Variants in THSD1 observed in about 807,000 individuals in gnomAD.
THSD1 encodes the protein thrombospondin type-1 domain-containing protein 1.
Under a neutral mutation model 46.3 loss-of-function variants are expected in THSD1, and 34 were observed. The observed-to-expected ratio is 0.74, with a 90% CI of 0.56 to 0.98. The LOEUF is 0.98. Among genes scored for constraint, THSD1 ranks in the 50% least tolerant of loss-of-function variants. THSD1 has a pLI of 0.00. For missense variants in THSD1, 1,023 were observed against 1,058.3 expected, an observed-to-expected ratio of 0.97 and a Z score of 0.46; for synonymous variants, 407 against 416.5, an observed-to-expected ratio of 0.98 and a Z score of 0.28.
chr13:52,377,784 T>C lies in THSD1; in HGVS notation c.2186A>G (p.Tyr729Cys). Residue 729 changes from tyrosine (Y) to cysteine (C), a missense_variant, in exon 5 of 5, where the codon TAC becomes TGC. Physicochemically the swap from Tyr to Cys is radical, Grantham distance 194 (BLOSUM62 -2). This residue lies in a region of THSD1 where 578 missense variants were observed against 497.4 expected (regional missense o/e 1.16). Coordinates refer to ENST00000258613, the MANE Select transcript of THSD1 (RefSeq NM_018676.4). ...TTTCCTCAAGGGCTGCCCCAAAGTG[T>C]AGGATTTAGGGAGAGGGTTTAATGG... Reference protein sequence around the residue: ...RGPLNPLPKSYTLGQPLRKPD... With the variant: ...RGPLNPLPKSCTLGQPLRKPD... 6.2e-7 allele frequency: 1 copy of C among 1,614,122 alleles called. No individual in the cohort carries two copies. The highest frequency in any genetic ancestry group is 8.5e-7 in the Non-Finnish European group (1 of 1,180,032).
chr13:52,389,352 GA>G (rs879533104), intron 3 of THSD1, among the ~76,000 whole-genome samples: 152 of 151,666 alleles, frequency 1.0e-3, no homozygotes, highest in Admixed American at 2.2e-3. Flanking sequence ...AAATAAGGCA[GA>G]AAAAAAGATG....
At chr13:52,399,293 T>C (rs1299319330) in intron 2 of THSD1, among the ~76,000 whole-genome samples, 1 of 152,132 alleles carries the variant, frequency 6.6e-6, no homozygotes, top group African/African-American at 2.4e-5. Flanking sequence ...TTGAATCCCA[T>C]CCAAATATAT....
intron 1 of THSD1, among the ~76,000 whole-genome samples, chr13:52,404,713 G>A (rs1228116137): frequency 6.6e-6 from 1 of 152,126 alleles, no homozygotes; most frequent in African/African-American, 2.4e-5. Context: ...ACTGAGACCT[G>A]GTAACCAAAC....
Position 52,386,083 on chromosome 13 carries a change from AG to A in THSD1, c.1124del (p.Pro375LeufsTer35). 6.2e-7 allele frequency: 1 copy of A among 1,614,190 alleles called. No homozygotes were observed. Among genetic ancestry groups the A allele is most frequent in the African/African-American group, 1.3e-5 (1 of 75,070 alleles). The stretch of plus-strand genomic sequence containing the variant: ...CCTCCAAGGACATTCCAGGGCAGAC[AG>A]GACTGGAGGGGAAGGAAGTGAGACA... ...RVCLTSFPSS[P>X]VCPGMSLEAS... On this transcript the variant is annotated frameshift_variant, in exon 4 of 5. Coordinates refer to ENST00000258613, the MANE Select transcript of THSD1 (RefSeq NM_018676.4). LOFTEE classifies it high-confidence loss of function.
Position 52,377,730 on chromosome 13 carries a change from A to G in THSD1, c.2240T>C (p.Leu747Ser), listed in dbSNP as rs946688456. 6.2e-7 allele frequency: 1 copy of G among 1,613,526 alleles called. No individual in the cohort carries two copies. The highest frequency in any genetic ancestry group is 1.3e-5 in the African/African-American group (1 of 74,904). ...CTCTGTTCTCTCAATTCCGGCCACTAATCCTGCCTGGTGATCCCCAAGGTC... is the reference window on the plus strand; with the variant it reads ...CTCTGTTCTCTCAATTCCGGCCACTGATCCTGCCTGGTGATCCCCAAGGTC... Reference protein sequence around the residue: ...KPDLGDHQAGLVAGIERTEPH... With the variant: ...KPDLGDHQAGSVAGIERTEPH... Residue 747 changes from leucine (L) to serine (S), a missense_variant, in exon 5 of 5, where the codon TTA (leucine) becomes TCA (serine). Leu to Ser is a moderately radical substitution (Grantham distance 145, BLOSUM62 -2). Transcript: ENST00000258613.
chr13:52,390,362 G>A (rs1305326074), intron 3 of THSD1, among the ~76,000 whole-genome samples: 1 of 152,164 alleles, frequency 6.6e-6, no homozygotes, highest in Admixed American at 6.5e-5. Context: ...GCCAAGTGGT[G>A]CAATCTTTGG....
chr13:52,381,339 G>A (rs1276456790), intron 4 of THSD1, among the ~76,000 whole-genome samples: 1 of 152,148 alleles, frequency 6.6e-6, no homozygotes. Context: ...CACTGGTGGA[G>A]AAAATGAACA....
At chr13:52,378,845 A>C (rs1957667374) in intron 4 of THSD1, 56 bp from the exon 5 acceptor site, 7 of 1,424,412 alleles carry the variant, frequency 4.9e-6, no homozygotes, top group Non-Finnish European at 6.4e-6. Context: ...GAACAGATGT[A>C]TTTTTACTTT....
intron 3 of THSD1, among the ~76,000 whole-genome samples, chr13:52,392,207 A>AAAAAAAT (rs1957779041): frequency 6.6e-6 from 1 of 151,464 alleles, no homozygotes; most frequent in African/African-American, 2.4e-5. Flanking sequence ...AAAAAAAAAA[A>AAAAAAAT]AAAAGTAAAA....
Position 52,377,689 on chromosome 13 carries a change from G to A in THSD1, c.2281C>T (p.Arg761Trp), listed in dbSNP as rs749838055. Residue 761 changes from arginine to tryptophan, a missense_variant, in exon 5 of 5, where the codon CGG becomes TGG. By Grantham distance (101) the Arg-to-Trp change is moderately radical. Coordinates refer to ENST00000258613, the MANE Select transcript of THSD1 (RefSeq NM_018676.4). ...CTCTTGTGACTGGGGGACGGTCCCCGACGAGCTCTGTGGGGCTCTGTTCTC... is the reference window on the plus strand; with the variant it reads ...CTCTTGTGACTGGGGGACGGTCCCCAACGAGCTCTGTGGGGCTCTGTTCTC... Reference protein sequence around the residue: ...IERTEPHRARRGPSPSHKSVS... With the variant: ...IERTEPHRARWGPSPSHKSVS... The A allele has an allele frequency of 6.8e-6, 11 of 1,609,992 alleles. No homozygotes were observed. The highest frequency in any genetic ancestry group is 4.5e-5 in the East Asian group (2 of 44,782).
chr13:52,405,424 A>G (rs1199701094), intron 1 of THSD1, among the ~76,000 whole-genome samples: 4 of 152,238 alleles, frequency 2.6e-5, no homozygotes, highest in African/African-American at 9.6e-5. Flanking sequence ...TTGTGTGTAT[A>G]TATACCAATA....
chr13:52,394,203 G>C (rs1277689090), intron 3 of THSD1, among the ~76,000 whole-genome samples: 1 of 152,180 alleles, frequency 6.6e-6, no homozygotes, highest in African/African-American at 2.4e-5. Context: ...CCACCAAGGT[G>C]GCCCTCCTGC....
Position 52,386,187 on chromosome 13 carries a change from C to G in THSD1, c.1022-1G>C, listed in dbSNP as rs1957729470. 1 of 1,613,922 alleles carries G rather than the reference C, an allele frequency of 6.2e-7. No individual in the cohort carries two copies. Among genetic ancestry groups the G allele is most frequent in the Admixed American group, 1.7e-5 (1 of 60,002 alleles). On this transcript the variant is annotated splice_acceptor_variant, in intron 3 of 4. Coordinates refer to ENST00000258613, the MANE Select transcript of THSD1 (RefSeq NM_018676.4). LOFTEE classifies it high-confidence loss of function. ...CATGGCTGCCACAGTCCCCAAGTTT[C>G]TGCAAGGATATAAGTTATGCTTTTA...
chr13:52,400,546 C>T (rs975920073), intron 2 of THSD1, among the ~76,000 whole-genome samples: 9 of 151,952 alleles, frequency 5.9e-5, no homozygotes, highest in African/African-American at 2.2e-4. Context: ...TGCAGTAAGC[C>T]GAGATTGCAC....
At chr13:52,387,703 C>G (rs1957743365) in intron 3 of THSD1, among the ~76,000 whole-genome samples, 3 of 152,214 alleles carry the variant, frequency 2.0e-5, no homozygotes, top group African/African-American at 4.8e-5. Flanking sequence ...CATCAATAGA[C>G]TTGACACACA....
At chr13:52,395,908 C>G (rs1957806367) in intron 3 of THSD1, among the ~76,000 whole-genome samples, 1 of 152,188 alleles carries the variant, frequency 6.6e-6, no homozygotes, top group Non-Finnish European at 1.5e-5. Flanking sequence ...GTAACCTTGT[C>G]ACTCAGCCTT....
At chr13:52,405,202 G>A (rs1285497643) in intron 1 of THSD1, among the ~76,000 whole-genome samples, 2 of 152,164 alleles carry the variant, frequency 1.3e-5, no homozygotes, top group African/African-American at 4.8e-5. Context: ...GTGGGGAAAA[G>A]TTGTGAATAT....
intron 4 of THSD1, among the ~76,000 whole-genome samples, chr13:52,385,618 G>A (rs1175388939): frequency 6.6e-6 from 1 of 152,040 alleles, no homozygotes; most frequent in African/African-American, 2.4e-5. Flanking sequence ...TGGTCCCCTG[G>A]CTTTTCTGGG....
At position 52,377,946 on chromosome 13, in the gene THSD1, G is replaced by A. The variant is rs1957649116; in HGVS notation, c.2024C>T (p.Pro675Leu). 1.9e-6 allele frequency: 3 copies of A among 1,614,186 alleles called. No homozygotes were observed. Among genetic ancestry groups the A allele is most frequent in the Non-Finnish European group, 2.5e-6 (3 of 1,180,044 alleles). The change falls in exon 5 of 5, where the codon CCA (proline) becomes CTA (leucine). Residue 675 changes from proline (P) to leucine (L), a missense_variant. Physicochemically the swap from Pro to Leu is moderately conservative, Grantham distance 98. This residue lies in a region of THSD1 where 578 missense variants were observed against 497.4 expected (regional missense o/e 1.16). Coordinates refer to ENST00000258613, the MANE Select transcript of THSD1 (RefSeq NM_018676.4). ...FRERSMSTLTPRQAPAYSSRT... is the reference protein window; with the variant it reads ...FRERSMSTLTLRQAPAYSSRT... Reference sequence around the variant, plus strand: ...AGAGCTGTAGGCAGGGGCCTGCCGTGGAGTCAGAGTGGACATGCTCCTCTC... The same window carrying A: ...AGAGCTGTAGGCAGGGGCCTGCCGTAGAGTCAGAGTGGACATGCTCCTCTC...
Sources: gnomAD v4.1 joint callset for allele counts (sites outside exome capture counted in the v4.1 genomes callset) on GRCh38, gnomAD v4.1.1 for gene constraint, gnomAD v4.1.1 regional missense constraint, MANE v1.5 for transcripts, NCBI Gene and HGNC (gene_info 2026-07-23, HGNC 2026-07-21) for gene names.